The following SGSM1 variants were observed in gnomAD, a reference collection of about 807,000 sequenced individuals.
SGSM1 encodes RUN and TBC1 domain containing 2.
Under a neutral mutation model 133.8 loss-of-function variants are expected in SGSM1, and 73 were observed. The observed-to-expected ratio is 0.55, with a 90% CI of 0.45 to 0.66. The LOEUF (loss-of-function observed/expected upper bound fraction) is 0.66, where lower values mean the gene tolerates loss of function less well. SGSM1 is among the 30% of genes least tolerant of loss of function. SGSM1 has a pLI of 0.00. For synonymous variants in SGSM1, 563 were observed against 573.0 expected (o/e 0.98, Z 0.25); for missense variants, 1,213 against 1,448.1 (o/e 0.84, Z 2.64).
Position 24,898,376 on chromosome 22 carries a change from G to T in SGSM1, c.2427G>T (p.Lys809Asn). ...GCCTGGACATGGCCCTGCCTGAAAA[G>T]GACGATGTTGTGATGGAGGGCTGGA... The part of the protein sequence containing the change: ...TGSLDMALPE[K>N]DDVVMEGWRS... Residue 809 changes from lysine to asparagine, a missense_variant, in exon 19 of 25, where the codon AAG (lysine) becomes AAT (asparagine). Lys to Asn is a moderately conservative substitution (Grantham distance 94). Transcript: ENST00000400358. The T allele has an allele frequency of 6.2e-7, 1 of 1,613,896 alleles. No individual in the cohort carries two copies. Among genetic ancestry groups the T allele is most frequent in the Non-Finnish European group, 8.5e-7 (1 of 1,179,876 alleles).
intron 4 of SGSM1, among the ~76,000 whole-genome samples, chr22:24,848,338 T>C (rs1369709904): frequency 1.3e-5 from 2 of 152,100 alleles, no homozygotes; most frequent in African/African-American, 2.4e-5. Flanking sequence ...ATAGAACCAA[T>C]ATGGCCTCTG....
Position 24,898,507 on chromosome 22 carries a change from C to A in SGSM1, c.2558C>A (p.Thr853Asn). 1 of 1,613,612 alleles carries A rather than the reference C, an allele frequency of 6.2e-7. No homozygotes were observed. The highest frequency in any genetic ancestry group is 8.5e-7 in the Non-Finnish European group (1 of 1,179,712). The change falls in exon 19 of 25, where the codon ACT (threonine) becomes AAT (asparagine). Residue 853 changes from threonine (T) to asparagine (N), a missense_variant. Coordinates refer to ENST00000400358, the MANE Select transcript of SGSM1 (RefSeq NM_001098497.3). Reference sequence around the variant, plus strand: ...CCTGCCCTGGCTTCTCTGGCTGTGACTACTTCTGCCAACGAGGTGTCCCCT... The same window carrying A: ...CCTGCCCTGGCTTCTCTGGCTGTGAATACTTCTGCCAACGAGGTGTCCCCT... ...LFPALASLAV[T>N]TSANEVSPVS... is the part of the protein sequence containing the mutation.
At chr22:24,815,625 G>A (rs1928021297) in intron 2 of SGSM1, among the ~76,000 whole-genome samples, 1 of 152,192 alleles carries the variant, frequency 6.6e-6, no homozygotes, top group South Asian at 2.1e-4. Flanking sequence ...GGCGCCTGTA[G>A]TCCCAGCTAC....
At chr22:24,832,709 C>T (rs1160139021) in intron 2 of SGSM1, among the ~76,000 whole-genome samples, 1 of 152,166 alleles carries the variant, frequency 6.6e-6, no homozygotes, top group Non-Finnish European at 1.5e-5. Flanking sequence ...GGATCTGTTA[C>T]TTCACTAGGG....
In SGSM1 at chr22:24,873,854, G is replaced by GA. The variant is rs923554619; in HGVS notation, c.1292-2711dup. On this transcript the variant is annotated intron_variant, in intron 12 of 24. Transcript: ENST00000400358. The stretch of plus-strand genomic sequence containing the variant: ...GATGACAAAACAAGACCCTGCCTCA[G>GA]AAAAAAAAAAAAGTCAAATCCCCTG... Among the ~76,000 whole-genome samples, 337 of 144,222 alleles carry GA rather than the reference G, an allele frequency of 2.3e-3. 2 individuals are homozygous for GA. Among genetic ancestry groups the GA allele is most frequent in the Non-Finnish European group, 3.7e-3 (241 of 65,308 alleles). 94.6% of individuals were successfully genotyped at this position (144,222 alleles called of 152,430 possible). A position where few individuals can be genotyped will look rare whatever the true frequency, so the allele number is the denominator to read the frequency against.
chr22:24,887,746 G>A (rs1256636272), intron 16 of SGSM1, among the ~76,000 whole-genome samples: 1 of 152,130 alleles, frequency 6.6e-6, no homozygotes, highest in Non-Finnish European at 1.5e-5. Context: ...GGCAACATCG[G>A]GAGACCCTGT....
chr22:24,907,195 G>A (rs1167480239), intron 21 of SGSM1, among the ~76,000 whole-genome samples: 1 of 151,764 alleles, frequency 6.6e-6, no homozygotes, highest in East Asian at 1.9e-4. Flanking sequence ...GGGAGGTGGA[G>A]GTTGCAGTGA....
Position 24,879,533 on chromosome 22 carries a change from AT to A in SGSM1, c.1495+8del, listed in dbSNP as rs750520902. 2 of 1,612,834 alleles carry A rather than the reference AT, an allele frequency of 1.2e-6. No individual in the cohort carries two copies. The highest frequency in any genetic ancestry group is 2.2e-5 in the South Asian group (2 of 90,586). The stretch of plus-strand genomic sequence containing the variant: ...TCCAGAGCCTTCTATGGATGTACGT[AT>A]AGGGCTCCATTGCCAGTGTGTCTCC... On this transcript the variant is annotated splice_region_variant and intron_variant, in intron 14 of 24. Coordinates refer to ENST00000400358, the MANE Select transcript of SGSM1 (RefSeq NM_001098497.3).
chr22:24,883,439 A>G (rs1285530102), intron 14 of SGSM1, among the ~76,000 whole-genome samples: 1 of 152,190 alleles, frequency 6.6e-6, no homozygotes, highest in African/African-American at 2.4e-5. Context: ...GTCACTGGCC[A>G]CCTTCCTTTC....
chr22:24,898,884 G>T (rs139921146), intron 19 of SGSM1, among the ~76,000 whole-genome samples: 2 of 151,882 alleles, frequency 1.3e-5, no homozygotes, highest in African/African-American at 2.4e-5. Context: ...AAAATTAGCC[G>T]GGCGTGGTGG....
chr22:24,846,313 AT>A (rs1162386792), intron 3 of SGSM1, among the ~76,000 whole-genome samples: 9 of 149,692 alleles, frequency 6.0e-5, no homozygotes, highest in South Asian at 4.2e-4. Context: ...TGAAGATCTT[AT>A]TTTTTTTTAA....
At chr22:24,850,718 C>T (rs79668278) in intron 5 of SGSM1, among the ~76,000 whole-genome samples, 5,122 of 152,192 alleles carry the variant, frequency 0.034, 310 homozygotes, top group African/African-American at 0.12. Context: ...TCTCTGTGCC[C>T]GTTATCTCTT....
In SGSM1 at chr22:24,806,338, C is replaced by G. The variant is rs1226056752; in HGVS notation, c.13C>G (p.Pro5Ala). 1 of 1,476,266 alleles carries G rather than the reference C, an allele frequency of 6.8e-7. No individual in the cohort carries two copies. The highest frequency in any genetic ancestry group is 1.3e-5 in the South Asian group (1 of 75,898). 91.4% of individuals were successfully genotyped at this position (1,476,266 alleles called of 1,614,324 possible). ...AGCGCTCGGAGCCATGGCCTCGGCC[C>G]CCGCGGGTAAGAGGCCGCTGGACAC... MASA[P>A]AEAETRQRLL... Residue 5 changes from proline to alanine, a missense_variant, in exon 1 of 25, where the codon CCC becomes GCC. By Grantham distance (27) the Pro-to-Ala change is conservative. Transcript: ENST00000400358.
At chr22:24,876,890 A>G (rs1932053346) in intron 13 of SGSM1, among the ~76,000 whole-genome samples, 175 bp downstream of exon 13, 1 of 152,250 alleles carries the variant, frequency 6.6e-6, no homozygotes, top group Non-Finnish European at 1.5e-5. Context: ...TGTAATAGTC[A>G]GGATAAACAA....
intron 22 of SGSM1, among the ~76,000 whole-genome samples, chr22:24,914,479 C>CTA (rs1933749799): frequency 6.6e-6 from 1 of 151,328 alleles, no homozygotes; most frequent in African/African-American, 2.4e-5. Context: ...CTGTCCCCCC[C>CTA]CCCAAAAAAA....
At chr22:24,839,064 T>C (rs1172191548) in intron 2 of SGSM1, among the ~76,000 whole-genome samples, 1 of 152,134 alleles carries the variant, frequency 6.6e-6, no homozygotes, top group Non-Finnish European at 1.5e-5. Flanking sequence ...ATTTGTCTTG[T>C]TTTTATTTTG....
At chr22:24,893,319 G>A in intron 16 of SGSM1, 112 bp from the exon 17 acceptor site, 5 of 1,125,916 alleles carry the variant, frequency 4.4e-6, no homozygotes, top group African/African-American at 1.5e-5. Flanking sequence ...TCTGCTGGAT[G>A]TTAACTGCGT....
chr22:24,845,963 T>TTCTTTCTTTCTC (rs1555924272), intron 3 of SGSM1, among the ~76,000 whole-genome samples: 45 of 129,784 alleles, frequency 3.5e-4, no homozygotes, highest in African/African-American at 1.1e-3. Flanking sequence ...CTTTCTTTCT[T>TTCTTTCTTTCTC]TCTTTCTTTC....
At chr22:24,865,701 C>T (rs1353148714) in intron 9 of SGSM1, among the ~76,000 whole-genome samples, 1 of 152,000 alleles carries the variant, frequency 6.6e-6, no homozygotes, top group Non-Finnish European at 1.5e-5. Flanking sequence ...ATTGGGGACA[C>T]ACCTGTGCAG....
Sources: allele counts gnomAD v4.1 joint callset (sites outside exome capture counted in the v4.1 genomes callset), GRCh38; gene constraint gnomAD v4.1.1; transcripts MANE v1.5; gene names NCBI Gene and HGNC (gene_info 2026-07-23, HGNC 2026-07-21).